ZFAND3: variants seen among roughly 807,000 people sequenced by gnomAD.
ZFAND3 encodes zinc finger AN1-type containing 3, also known as AN1-type zinc finger protein 3.
In ZFAND3, 10 loss-of-function variants were observed where a neutral mutation model predicts 29.6. That is an observed-to-expected ratio of 0.34 (90% CI 0.21 to 0.57). The LOEUF (loss-of-function observed/expected upper bound fraction) is 0.57. ZFAND3 is among the 20% of genes least tolerant of loss of function. ZFAND3 has a pLI of 0.86. For missense variants in ZFAND3, 230 were observed against 304.5 expected (o/e 0.76, Z 1.82); for synonymous variants, 128 against 112.6 (o/e 1.14, Z -0.87).
At chr6:37,860,901 T>G (rs1428874567) in intron 1 of ZFAND3, among the ~76,000 whole-genome samples, 1 of 152,116 alleles carries the variant, frequency 6.6e-6, no homozygotes, top group Non-Finnish European at 1.5e-5. Flanking sequence ...CCTTAAAGCT[T>G]CTCTGCTGGA....
rs545689422 is a variant in ZFAND3 at position 38,149,297 on chromosome 6, C to T, written c.530-2938C>T. ...GTGTGGTGATGTGTGCTTGTAGTTG[C>T]GCTACTGGGGAGGCTGAAGCAGGAA... On this transcript the variant is annotated intron_variant, in intron 5 of 5. Transcript: ENST00000287218. Among the ~76,000 whole-genome samples the T allele has an allele frequency of 2.0e-4, 31 of 151,512 alleles. 1 individual carries two copies. Among genetic ancestry groups the T allele is most frequent in the Admixed American group, 3.3e-4 (5 of 15,208 alleles).
intron 2 of ZFAND3, among the ~76,000 whole-genome samples, chr6:37,973,733 C>G (rs1461100448): frequency 6.6e-6 from 1 of 152,176 alleles, no homozygotes; most frequent in East Asian, 1.9e-4. Flanking sequence ...TGAAGAAGGC[C>G]TGTGTATGGC....
intron 5 of ZFAND3, among the ~76,000 whole-genome samples, chr6:38,148,272 A>C (rs1256525991): frequency 6.6e-6 from 1 of 152,196 alleles, no homozygotes; most frequent in Non-Finnish European, 1.5e-5. Context: ...GGCTGTGAAT[A>C]TATGGCTTTA....
chr6:38,093,699 G>A (rs1200203250), intron 4 of ZFAND3, among the ~76,000 whole-genome samples: 2 of 152,156 alleles, frequency 1.3e-5, no homozygotes, highest in Non-Finnish European at 1.5e-5. Context: ...AAACCTGAAC[G>A]AAGTTTGTGT....
chr6:38,012,663 C>T (rs1311860733), intron 2 of ZFAND3, among the ~76,000 whole-genome samples: 4 of 152,164 alleles, frequency 2.6e-5, no homozygotes. Context: ...AGGTGTGAGC[C>T]ACCATGCCTG....
intron 4 of ZFAND3, among the ~76,000 whole-genome samples, chr6:38,091,934 A>T (rs1476384098): frequency 6.6e-6 from 1 of 151,940 alleles, no homozygotes. Flanking sequence ...TGATAGGATG[A>T]TGTATGCTGA....
At chr6:37,905,119 A>G (rs1055449636) in intron 1 of ZFAND3, among the ~76,000 whole-genome samples, 2 of 152,186 alleles carry the variant, frequency 1.3e-5, no homozygotes, top group African/African-American at 2.4e-5. Context: ...AAAAGGTCTG[A>G]CATCATAACT....
chr6:38,125,790 T>C (rs570714871), intron 5 of ZFAND3, among the ~76,000 whole-genome samples: 1 of 152,308 alleles, frequency 6.6e-6, no homozygotes, highest in Admixed American at 6.5e-5. Flanking sequence ...GTAAATAGTT[T>C]TAGTTAATTC....
At chr6:37,852,660 A>T (rs989763844) in intron 1 of ZFAND3, among the ~76,000 whole-genome samples, 9 of 151,404 alleles carry the variant, frequency 5.9e-5, no homozygotes, top group Non-Finnish European at 1.3e-4. Flanking sequence ...GTGTTAATTT[A>T]GACTAATCAT....
At position 38,016,336 on chromosome 6, in the gene ZFAND3, T is replaced by C. The variant is rs148138433; in HGVS notation, c.113-45257T>C. The stretch of plus-strand genomic sequence containing the variant: ...ACCACCTAGATTAAATAATTCTTGT[T>C]TCAAAGAACCATACTTCAGAGAACC... On this transcript the variant is annotated intron_variant, in intron 2 of 5. Transcript: ENST00000287218. Among the ~76,000 whole-genome samples, 230 of 152,316 alleles carry C rather than the reference T, an allele frequency of 1.5e-3. 1 individual carries two copies. Among genetic ancestry groups the C allele is most frequent in the African/African-American group, 5.4e-3 (223 of 41,558 alleles).
At chr6:37,921,546 A>G (rs1364158067) in intron 1 of ZFAND3, among the ~76,000 whole-genome samples, 2 of 152,062 alleles carry the variant, frequency 1.3e-5, no homozygotes, top group Non-Finnish European at 2.9e-5. Context: ...GGGGAGAGAT[A>G]GTAGTCTTGT....
At chr6:37,958,213 G>A (rs1024263015) in intron 2 of ZFAND3, among the ~76,000 whole-genome samples, 3 of 152,136 alleles carry the variant, frequency 2.0e-5, no homozygotes, top group African/African-American at 7.2e-5. Context: ...CAGCACTTTG[G>A]GAGACCAAGG....
rs1043488 is a variant in ZFAND3 at position 38,154,369 on chromosome 6, G to C, written c.*1980G>C. ...AAGCCCATGTTCGCTTCCTGACTTA[G>C]AGCTGGGGGGGGTGGGGGGTGGGGC... On this transcript the variant is annotated 3_prime_UTR_variant, in exon 6 of 6. Coordinates refer to ENST00000287218, the MANE Select transcript of ZFAND3 (RefSeq NM_021943.3). The C allele has an allele frequency of 1.6e-6, 1 of 616,872 alleles. No individual in the cohort carries two copies. Among genetic ancestry groups the C allele is most frequent in the Non-Finnish European group, 2.0e-6 (1 of 500,346 alleles). 38.2% of individuals were successfully genotyped at this position (616,872 alleles called of 1,614,324 possible).
chr6:37,921,498 A>G (rs1761378334), intron 1 of ZFAND3, among the ~76,000 whole-genome samples: 1 of 151,770 alleles, frequency 6.6e-6, no homozygotes, highest in Non-Finnish European at 1.5e-5. Flanking sequence ...CCATATTTAT[A>G]TTAAAATAGT....
intron 2 of ZFAND3, among the ~76,000 whole-genome samples, chr6:37,937,653 C>CAAAAAA (rs71542151): frequency 3.5e-5 from 3 of 85,474 alleles, no homozygotes; most frequent in South Asian, 5.1e-4. Flanking sequence ...GACTCCGTCT[C>CAAAAAA]AAAAAAAAAA....
chr6:38,105,981 G>A (rs900536383), intron 4 of ZFAND3, among the ~76,000 whole-genome samples: 76 of 152,064 alleles, frequency 5.0e-4, no homozygotes, highest in African/African-American at 1.7e-3. Flanking sequence ...ATTGAGCCCC[G>A]TGGGTTCAGA....
At chr6:37,924,093 C>T (rs953404781) in intron 1 of ZFAND3, among the ~76,000 whole-genome samples, 3 of 151,960 alleles carry the variant, frequency 2.0e-5, no homozygotes, top group Non-Finnish European at 1.5e-5. Context: ...CACTCCGTGT[C>T]ATTAGAAAGA....
In ZFAND3 at chr6:37,985,018, A is replaced by G. The variant is rs945860134; in HGVS notation, c.112+55019A>G. The stretch of plus-strand genomic sequence containing the variant: ...ATGTTTTATTTCTAATTGTTCAATG[A>G]TATAAGACTTCCAGTACTTTAGTTT... On this transcript the variant is annotated intron_variant, in intron 2 of 5. Coordinates refer to ENST00000287218, the MANE Select transcript of ZFAND3 (RefSeq NM_021943.3). Among the ~76,000 whole-genome samples the G allele has an allele frequency of 2.6e-4, 39 of 152,224 alleles. 1 individual carries two copies. Among genetic ancestry groups the G allele is most frequent in the African/African-American group, 6.0e-4 (25 of 41,452 alleles).
intron 4 of ZFAND3, among the ~76,000 whole-genome samples, chr6:38,102,827 G>T (rs570275287): frequency 4.7e-4 from 71 of 152,260 alleles, no homozygotes; most frequent in Non-Finnish European, 7.2e-4. Flanking sequence ...CGCGATCTCG[G>T]CTCACTGCAA....
Sources: gnomAD v4.1 joint callset for allele counts (sites outside exome capture counted in the v4.1 genomes callset) on GRCh38, gnomAD v4.1.1 for gene constraint, MANE v1.5 for transcripts, NCBI Gene and HGNC (gene_info 2026-07-23, HGNC 2026-07-21) for gene names.